RTKN2: variants seen among roughly 807,000 people sequenced by gnomAD.
The protein encoded by RTKN2 is rhotekin-2.
A neutral mutation model predicts 71.5 loss-of-function variants in RTKN2; 69 were observed. The ratio of observed to expected loss-of-function variants is 0.96; its 90% CI spans 0.79 to 1.18. The LOEUF is 1.18. Ranked by LOEUF, RTKN2 falls within the 50% of genes most tolerant of loss-of-function variation. The pLI is 0.00. For synonymous variants in RTKN2, 236 were observed against 236.5 expected (o/e 1.00, Z 0.02); for missense variants, 724 against 719.7 (o/e 1.01, Z -0.07).
Position 62,246,004 on chromosome 10 carries a change from A to G in RTKN2, c.311T>C (p.Ile104Thr). Residue 104 changes from isoleucine (I) to threonine (T), a missense_variant, in exon 3 of 12, where the codon ATA becomes ACA. Ile to Thr is a moderately conservative substitution (Grantham distance 89). Coordinates refer to ENST00000373789, the MANE Select transcript of RTKN2 (RefSeq NM_145307.4). The part of the protein sequence containing the change: ...ERTACKGKIA[I>T]SDIRIPLMWK... ...AAGATTCATTTATAGCATACCTGAT[A>G]TGGCAATCTTTCCTTTACATGCTGT... The G allele has an allele frequency of 6.3e-7, 1 of 1,579,426 alleles. No homozygotes were observed. The highest frequency in any genetic ancestry group is 8.6e-7 in the Non-Finnish European group (1 of 1,156,962).
At chr10:62,234,189 C>T (rs1291418163) in intron 6 of RTKN2, among the ~76,000 whole-genome samples, 1 of 152,044 alleles carries the variant, frequency 6.6e-6, no homozygotes, top group Non-Finnish European at 1.5e-5. Context: ...AGATGAACAA[C>T]TTGGGCATCA....
chr10:62,205,335 C>G (rs1841528896), intron 9 of RTKN2, among the ~76,000 whole-genome samples: 1 of 152,130 alleles, frequency 6.6e-6, no homozygotes, highest in Admixed American at 6.5e-5. Flanking sequence ...TGGAAGTTTA[C>G]TGTCTTTTAT....
At chr10:62,215,055 GA>G in intron 9 of RTKN2, 1 of 1,514,510 alleles carries the variant, frequency 6.6e-7, no homozygotes, top group South Asian at 1.2e-5. Flanking sequence ...ATGGCGAGTT[GA>G]ATTCCTTCGA....
rs1841271423 is a variant in RTKN2, at chr10:62,193,870, G to T, written c.*4038C>A. The T allele has an allele frequency of 1.0e-6, 1 of 978,570 alleles. No homozygotes were observed. The highest frequency in any genetic ancestry group is 4.7e-5 in the South Asian group (1 of 21,148). 60.6% of individuals were successfully genotyped at this position (978,570 alleles called of 1,614,324 possible). Reference sequence around the variant, plus strand: ...TAATTATACCATGGCTTATCAGAATGTTAGTCTTATAATAATTAGCACCAG... The same window carrying T: ...TAATTATACCATGGCTTATCAGAATTTTAGTCTTATAATAATTAGCACCAG... On this transcript the variant is annotated 3_prime_UTR_variant, in exon 12 of 12. Coordinates refer to ENST00000373789, the MANE Select transcript of RTKN2 (RefSeq NM_145307.4).
intron 5 of RTKN2, among the ~76,000 whole-genome samples, chr10:62,236,850 A>G (rs1033818551): frequency 5.9e-5 from 9 of 151,970 alleles, no homozygotes. Context: ...ATTAAGTTAA[A>G]TAAGCCAAGC....
Position 62,268,687 on chromosome 10 carries a change from C to T in RTKN2, c.-77G>A. 6.9e-7 allele frequency: 1 copy of T among 1,439,164 alleles called. No homozygotes were observed. The highest frequency in any genetic ancestry group is 9.5e-7 in the Non-Finnish European group (1 of 1,055,646). 89.1% of individuals were successfully genotyped at this position (1,439,164 alleles called of 1,614,324 possible). A position where few individuals can be genotyped will look rare whatever the true frequency, so the allele number is the denominator to read the frequency against. ...AAAAGCCCGCCCCTGGCAGGAGCCGCAGAGGACGCCAACCGCCCGGCCGTA... is the reference window on the plus strand; with the variant it reads ...AAAAGCCCGCCCCTGGCAGGAGCCGTAGAGGACGCCAACCGCCCGGCCGTA... On this transcript the variant is annotated 5_prime_UTR_variant, in exon 1 of 12. Transcript: ENST00000373789.
At chr10:62,207,062 T>C (rs953032180) in intron 9 of RTKN2, among the ~76,000 whole-genome samples, 12 of 152,084 alleles carry the variant, frequency 7.9e-5, no homozygotes, top group Non-Finnish European at 1.5e-4. Context: ...GAAATTGTGC[T>C]TCCCTCCACC....
intron 1 of RTKN2, among the ~76,000 whole-genome samples, chr10:62,267,867 G>A (rs1351345750): frequency 6.6e-6 from 1 of 152,090 alleles, no homozygotes; most frequent in African/African-American, 2.4e-5. Context: ...AGTGAAAAGT[G>A]GTAACATTTT....
intron 6 of RTKN2, among the ~76,000 whole-genome samples, chr10:62,228,351 G>A (rs1392922201): frequency 6.6e-6 from 1 of 152,144 alleles, no homozygotes; most frequent in African/African-American, 2.4e-5. Flanking sequence ...GTGATCAATT[G>A]TGTTAATACC....
Position 62,193,555 on chromosome 10 carries a change from A to G in RTKN2, c.*4353T>C. 1.0e-6 allele frequency: 1 copy of G among 981,362 alleles called. No homozygotes were observed. Among genetic ancestry groups the G allele is most frequent in the Non-Finnish European group, 1.2e-6 (1 of 826,242 alleles). The allele number at this position is 981,362 out of a possible 1,614,324, so 60.8% of individuals were successfully genotyped here. On this transcript the variant is annotated 3_prime_UTR_variant, in exon 12 of 12. Coordinates refer to ENST00000373789, the MANE Select transcript of RTKN2 (RefSeq NM_145307.4). ...TTTTTAATTTTAAATATTTCTGATC[A>G]CACTACAGATTTAGAAATAAAATGC...
intron 6 of RTKN2, 105 bp downstream of exon 6, chr10:62,235,961 C>G: frequency 4.8e-6 from 4 of 829,468 alleles, no homozygotes; most frequent in Non-Finnish European, 7.4e-6. Flanking sequence ...TTTTTGTTTC[C>G]TGATGTTTTT....
At chr10:62,226,127 T>C (rs565430534) in intron 6 of RTKN2, among the ~76,000 whole-genome samples, 74 of 152,292 alleles carry the variant, frequency 4.9e-4, no homozygotes, top group Non-Finnish European at 8.4e-4. Context: ...TTTCATGATT[T>C]TCTTGATTTT....
At chr10:62,236,034 ATG>A (rs1564517439) in intron 6 of RTKN2, 30 bp downstream of exon 6, 1 of 1,374,882 alleles carries the variant, frequency 7.3e-7, no homozygotes. Flanking sequence ...ATGTATAATT[ATG>A]TCACCATAAA....
intron 8 of RTKN2, among the ~76,000 whole-genome samples, chr10:62,187,277 C>CAAAAAAAAAAAA (rs35517716): frequency 8.3e-6 from 1 of 120,286 alleles, no homozygotes; most frequent in Non-Finnish European, 1.9e-5. Flanking sequence ...TCACAAATCA[C>CAAAAAAAAAAAA]AAAAAAAAAA....
At position 62,193,428 on chromosome 10, in the gene RTKN2, T is replaced by C. The variant is rs1014730896; in HGVS notation, c.*4480A>G. The C allele has an allele frequency of 1.8e-5, 18 of 981,930 alleles. No homozygotes were observed. The African/African-American group carries it at 2.6e-4, about 14-fold the overall frequency. The allele number at this position is 981,930 out of a possible 1,614,324, so 60.8% of individuals were successfully genotyped here. On this transcript the variant is annotated 3_prime_UTR_variant, in exon 12 of 12. Transcript: ENST00000373789. ...TCTCCCATACTCAGATAAAGAAAAATGTTTGTTAAAATTTCTGTAACTTTT... is the reference window on the plus strand; with the variant it reads ...TCTCCCATACTCAGATAAAGAAAAACGTTTGTTAAAATTTCTGTAACTTTT...
chr10:62,207,441 C>T (rs1034093321), intron 9 of RTKN2, among the ~76,000 whole-genome samples: 3 of 152,046 alleles, frequency 2.0e-5, no homozygotes, highest in Admixed American at 6.6e-5. Flanking sequence ...CAAAAAAATG[C>T]GTGTTGAAGA....
chr10:62,195,578 G>A lies in RTKN2; in HGVS notation c.*2330C>T, dbSNP rs184670442. ...AGACAAAAAGGAAGGAAGGAGGGAA[G>A]GAGGGAAGGAGAGACGGACAGAGGG... On this transcript the variant is annotated 3_prime_UTR_variant, in exon 12 of 12. Transcript: ENST00000373789. The A allele has an allele frequency of 3.1e-5, 19 of 617,898 alleles. No individual in the cohort carries two copies. The East Asian group carries it at 2.5e-3, about 80-fold the overall frequency. The allele number at this position is 617,898 out of a possible 1,614,324, so 38.3% of individuals were successfully genotyped here. A position where few individuals can be genotyped will look rare whatever the true frequency, so the allele number is the denominator to read the frequency against.
chr10:62,256,283 A>G (rs1375327411), intron 2 of RTKN2, among the ~76,000 whole-genome samples: 2 of 152,128 alleles, frequency 1.3e-5, no homozygotes, highest in East Asian at 1.9e-4. Flanking sequence ...TCAGCCTCCC[A>G]AAGTCTTGGG....
chr10:62,267,481 A>C (rs1370546904), intron 1 of RTKN2, among the ~76,000 whole-genome samples: 7 of 152,198 alleles, frequency 4.6e-5, no homozygotes, highest in African/African-American at 1.4e-4. Context: ...ACAGGACAGG[A>C]CTGAAAAAAA....
Sources: allele counts gnomAD v4.1 joint callset (sites outside exome capture counted in the v4.1 genomes callset), GRCh38; gene constraint gnomAD v4.1.1; transcripts MANE v1.5; gene names NCBI Gene and HGNC (gene_info 2026-07-23, HGNC 2026-07-21).